RAD51B: variants seen among roughly 807,000 people sequenced by gnomAD.
The protein encoded by RAD51B is DNA repair protein RAD51 homolog 2.
A neutral mutation model predicts 42.2 loss-of-function variants in RAD51B; 38 were observed. The observed-to-expected ratio is 0.90, with a 90% CI of 0.70 to 1.18. RAD51B has a LOEUF of 1.18. Ranked by LOEUF, RAD51B falls within the 50% of genes most tolerant of loss-of-function variation. RAD51B has a pLI of 0.00. For missense variants in RAD51B, 373 were observed against 400.7 expected (o/e 0.93, Z 0.59); for synonymous variants, 154 against 145.2 (o/e 1.06, Z -0.43).
intron 7 of RAD51B, among the ~76,000 whole-genome samples, chr14:68,082,472 G>T (rs1262688681): frequency 6.7e-6 from 1 of 149,292 alleles, no homozygotes; most frequent in African/African-American, 2.5e-5. Context: ...ATAGGAGAAA[G>T]ATATATATAT....
intron 7 of RAD51B, among the ~76,000 whole-genome samples, chr14:67,912,509 C>T (rs1343979455): frequency 1.3e-5 from 2 of 152,002 alleles, no homozygotes; most frequent in Non-Finnish European, 2.9e-5. Flanking sequence ...TCATTCATCC[C>T]CTTGAGGAGT....
At chr14:67,945,297 C>A (rs1044596896) in intron 7 of RAD51B, among the ~76,000 whole-genome samples, 2 of 152,160 alleles carry the variant, frequency 1.3e-5, no homozygotes, top group African/African-American at 4.8e-5. Context: ...TTGGTGAGAT[C>A]TTTTAGAGTA....
At chr14:68,520,055 T>C (rs888721963) in intron 10 of RAD51B, among the ~76,000 whole-genome samples, 1 of 152,194 alleles carries the variant, frequency 6.6e-6, no homozygotes, top group Non-Finnish European at 1.5e-5. Flanking sequence ...CAGAGCTAGT[T>C]AGTAAATGCA....
chr14:68,479,688 T>TTTG (rs34627518), downstream of RAD51B, among the ~76,000 whole-genome samples: 403 of 137,016 alleles, frequency 2.9e-3, 10 homozygotes, highest in East Asian at 0.037. Flanking sequence ...TTTTTTTTTT[T>TTTG]GCCAGAGTCT....
chr14:68,096,913 C>G (rs1566642422), intron 7 of RAD51B, among the ~76,000 whole-genome samples: 1 of 152,118 alleles, frequency 6.6e-6, no homozygotes, highest in Non-Finnish European at 1.5e-5. Context: ...AATGAATTGT[C>G]ATAAACTGCC....
intron 7 of RAD51B, among the ~76,000 whole-genome samples, chr14:68,026,521 C>T (rs1471288721): frequency 2.6e-5 from 4 of 151,848 alleles, no homozygotes; most frequent in African/African-American, 4.8e-5. Context: ...TTATGAATCT[C>T]GGTGCTCCAG....
rs1395223272 is a variant in RAD51B at position 68,594,458 on chromosome 14, ACTTC to A, written c.1037-23_1037-20del. The A allele has an allele frequency of 2.9e-6, 4 of 1,361,156 alleles. No individual in the cohort carries two copies. The African/African-American group carries it at 5.9e-5, about 20-fold the overall frequency. 84.3% of individuals were successfully genotyped at this position (1,361,156 alleles called of 1,614,324 possible). On this transcript the variant is annotated intron_variant, in intron 10 of 10. Transcript: ENST00000487270. ...GAAAGGCAAAAGGGCCTAGACTTTG[ACTTC>A]CTTTTTTTTCTCTCTCTCTTAGAGA...
chr14:68,478,693 G>A (rs1374664793), downstream of RAD51B, among the ~76,000 whole-genome samples: 1 of 152,194 alleles, frequency 6.6e-6, no homozygotes, highest in African/African-American at 2.4e-5. Context: ...CTTTGTACCT[G>A]CTCCTCCATC....
intron 7 of RAD51B, among the ~76,000 whole-genome samples, chr14:68,027,405 C>T (rs1225434938): frequency 1.3e-5 from 2 of 152,094 alleles, no homozygotes; most frequent in African/African-American, 2.4e-5. Context: ...GGGAAATTTT[C>T]GTGGACTGTA....
intron 7 of RAD51B, among the ~76,000 whole-genome samples, chr14:68,106,677 G>C (rs1249295203): frequency 1.3e-5 from 2 of 151,806 alleles, no homozygotes; most frequent in Non-Finnish European, 2.9e-5. Context: ...TACTTCATTG[G>C]AACGTTGGGT....
At chr14:68,564,054 C>T (rs1889295194) in intron 10 of RAD51B, 1 of 498,136 alleles carries the variant, frequency 2.0e-6, no homozygotes, top group Non-Finnish European at 2.6e-6. Flanking sequence ...CCTGCATGGG[C>T]TGGGGGAGGC....
At chr14:68,536,217 C>A (rs574863543) in intron 10 of RAD51B, among the ~76,000 whole-genome samples, 2 of 152,106 alleles carry the variant, frequency 1.3e-5, no homozygotes, top group Admixed American at 1.3e-4. Flanking sequence ...CAACTTGGGT[C>A]AAAAACCTCC....
chr14:67,966,501 T>C lies in RAD51B; in HGVS notation c.756+79297T>C, dbSNP rs925402408. 7.9e-4 allele frequency among the ~76,000 whole-genome samples: 120 copies of C among 152,356 alleles called. 1 individual carries two copies. Among genetic ancestry groups the C allele is most frequent in the African/African-American group, 2.9e-3 (119 of 41,578 alleles). Reference sequence around the variant, plus strand: ...TAGTATCTTCAAAACATGTGGAATGTTTGTAAAGGCTTCTCTGACATTCTC... The same window carrying C: ...TAGTATCTTCAAAACATGTGGAATGCTTGTAAAGGCTTCTCTGACATTCTC... On this transcript the variant is annotated intron_variant, in intron 7 of 10. Transcript: ENST00000471583.
At chr14:68,499,259 A>T (rs1032808863) in intron 10 of RAD51B, among the ~76,000 whole-genome samples, 3 of 152,200 alleles carry the variant, frequency 2.0e-5, no homozygotes, top group Non-Finnish European at 2.9e-5. Context: ...TGAGTCCCCC[A>T]TTGGATGCAA....
At chr14:68,087,865 TA>T in intron 7 of RAD51B, among the ~76,000 whole-genome samples, 1 of 79,472 alleles carries the variant, frequency 1.3e-5, no homozygotes, top group African/African-American at 7.7e-5. Context: ...TATAATTATA[TA>T]ATATATTATT....
rs544671558 is a variant in RAD51B at position 68,282,320 on chromosome 14, T to C, written c.757-9564T>C. Among the ~76,000 whole-genome samples the C allele has an allele frequency of 3.9e-5, 6 of 152,222 alleles. No individual in the cohort carries two copies. The South Asian group carries it at 1.2e-3, about 32-fold the overall frequency. On this transcript the variant is annotated intron_variant, in intron 7 of 10. Transcript: ENST00000471583. The stretch of plus-strand genomic sequence containing the variant: ...TTTTAACGGGCTTGTACCACATGAT[T>C]GGGAGTTTGAATGTTAGTAACCATG...
intron 7 of RAD51B, among the ~76,000 whole-genome samples, chr14:67,938,461 G>A (rs1020592824): frequency 7.2e-5 from 11 of 152,192 alleles, no homozygotes; most frequent in African/African-American, 2.7e-4. Context: ...CAAGTGGAGG[G>A]ACTAATTTGT....
intron 7 of RAD51B, among the ~76,000 whole-genome samples, chr14:67,953,787 T>C (rs1337357458): frequency 5.3e-5 from 8 of 152,088 alleles, no homozygotes; most frequent in Non-Finnish European, 7.4e-5. Flanking sequence ...AGGGCACTGG[T>C]TGTACCATTA....
chr14:67,865,199 A>G (rs940031586), intron 5 of RAD51B, 60 bp downstream of exon 5: 1 of 1,406,358 alleles, frequency 7.1e-7, no homozygotes, highest in Non-Finnish European at 9.4e-7. Context: ...ACAGCATGAA[A>G]CATTTACACA....
Sources: gnomAD v4.1 joint callset for allele counts (sites outside exome capture counted in the v4.1 genomes callset) on GRCh38, gnomAD v4.1.1 for gene constraint, MANE v1.5 for transcripts, NCBI Gene and HGNC (gene_info 2026-07-23, HGNC 2026-07-21) for gene names.